Variants in SLC6A11 observed in about 807,000 individuals in gnomAD.
The protein encoded by SLC6A11 is solute carrier family 6 member 11.
In SLC6A11, 25 loss-of-function variants were observed where a neutral mutation model predicts 74.8. The observed-to-expected ratio is 0.33, with a 90% confidence interval of 0.24 to 0.47. The LOEUF is 0.47. Ranked by LOEUF, SLC6A11 falls within the 20% of genes least tolerant of loss-of-function variation. The probability of loss-of-function intolerance (pLI) is 1.00; values close to 1 mark genes in which losing one functional copy is unlikely to be tolerated. For missense variants in SLC6A11, 574 were observed against 837.0 expected, an observed-to-expected ratio of 0.69 and a Z score of 3.88; for synonymous variants, 330 against 330.2, an observed-to-expected ratio of 1.00 and a Z score of 0.01.
chr3:10,918,556 A>T lies in SLC6A11; in HGVS notation c.1120+103A>T. 4 of 1,364,074 alleles carry T rather than the reference A, an allele frequency of 2.9e-6. No homozygotes were observed. The highest frequency in any genetic ancestry group is 3.9e-6 in the Non-Finnish European group (4 of 1,017,592). 84.5% of individuals were successfully genotyped at this position (1,364,074 alleles called of 1,614,324 possible). A position where few individuals can be genotyped will look rare whatever the true frequency, so the allele number is the denominator to read the frequency against. On this transcript the variant is annotated intron_variant, in intron 8 of 13. Transcript: ENST00000254488. This position sits in a 1 kb window ranked among gnomAD's most constrained non-coding sequence, Gnocchi z 4.5. ...CCTCCTCGGCTCACACATCTCCTGGATTCAGGCCTCAGAAAGGGGCCCCAC... is the reference window on the plus strand; with the variant it reads ...CCTCCTCGGCTCACACATCTCCTGGTTTCAGGCCTCAGAAAGGGGCCCCAC...
chr3:10,888,968 G>A (rs1695076672), intron 6 of SLC6A11, among the ~76,000 whole-genome samples: 1 of 152,196 alleles, frequency 6.6e-6, no homozygotes, highest in East Asian at 1.9e-4. Flanking sequence ...GGTGGAGGTT[G>A]GGTGGGGAGG....
At chr3:10,894,297 G>A (rs891695326) in intron 6 of SLC6A11, among the ~76,000 whole-genome samples, 1 of 152,240 alleles carries the variant, frequency 6.6e-6, no homozygotes, top group Non-Finnish European at 1.5e-5. Context: ...GTGAGCAGGT[G>A]GCAATGTGAC....
intron 5 of SLC6A11, among the ~76,000 whole-genome samples, chr3:10,846,401 G>C (rs561103601): frequency 6.6e-6 from 1 of 152,276 alleles, no homozygotes; most frequent in East Asian, 1.9e-4. Flanking sequence ...GGGGCTTGGC[G>C]GGGTGGTGGC....
intron 8 of SLC6A11, among the ~76,000 whole-genome samples, chr3:10,921,324 G>T (rs1695534487): frequency 6.6e-6 from 1 of 152,158 alleles, no homozygotes; most frequent in African/African-American, 2.4e-5. Flanking sequence ...TAGGTCCTGA[G>T]GTCTGTTTTA....
rs538463383 is a variant in SLC6A11 at position 10,869,081 on chromosome 3, T to C, written c.757-5880T>C. On this transcript the variant is annotated intron_variant, in intron 5 of 13. Transcript: ENST00000254488. ...TCTTTATTCCTCTGTCCAACAAATA[T>C]GTATTGAGCACACCTTATGTGCTAT... Among the ~76,000 whole-genome samples the C allele has an allele frequency of 7.2e-5, 11 of 152,332 alleles. No individual in the cohort carries two copies. The South Asian group carries it at 2.3e-3, about 32-fold the overall frequency.
At chr3:10,827,976 T>A (rs984450237) in intron 4 of SLC6A11, among the ~76,000 whole-genome samples, 2 of 152,222 alleles carry the variant, frequency 1.3e-5, no homozygotes, top group South Asian at 4.1e-4. Context: ...CCAGGGATGC[T>A]TGTCTTCCTA....
intron 5 of SLC6A11, among the ~76,000 whole-genome samples, chr3:10,865,643 C>T (rs188547240): frequency 1.1e-4 from 16 of 152,290 alleles, no homozygotes; most frequent in African/African-American, 3.9e-4. Flanking sequence ...AGCCTGGCTA[C>T]AGAGTGAGAT....
intron 6 of SLC6A11, among the ~76,000 whole-genome samples, chr3:10,878,651 G>T (rs1434350901): frequency 6.6e-6 from 1 of 150,992 alleles, no homozygotes; most frequent in Non-Finnish European, 1.5e-5. Flanking sequence ...CTGACCTCGT[G>T]ATCCACCCAC....
At chr3:10,864,844 G>C (rs1694745108) in intron 5 of SLC6A11, among the ~76,000 whole-genome samples, 1 of 152,122 alleles carries the variant, frequency 6.6e-6, no homozygotes, top group Admixed American at 6.5e-5. Context: ...CTTCTTCTCT[G>C]TCCAGAGGTC....
chr3:10,833,485 T>C (rs1694325023), intron 4 of SLC6A11, among the ~76,000 whole-genome samples: 1 of 152,182 alleles, frequency 6.6e-6, no homozygotes, highest in Admixed American at 6.5e-5. Context: ...CAGTTAATGC[T>C]TCTGGTGATG....
chr3:10,816,439 G>C lies in SLC6A11; in HGVS notation c.174G>C (p.Glu58Asp). 1 of 1,604,542 alleles carries C rather than the reference G, an allele frequency of 6.2e-7. No homozygotes were observed. Among genetic ancestry groups the C allele is most frequent in the South Asian group, 1.1e-5 (1 of 89,516 alleles). The part of the protein sequence containing the change: ...HERGHWNNKV[E>D]FVLSVAGEII... ...GCGGCCACTGGAACAACAAGGTGGA[G>C]TTCGTGCTGAGCGTGGCCGGGGAGA... Residue 58 changes from glutamate to aspartate, a missense_variant, in exon 1 of 14, where the codon GAG becomes GAC. Glu to Asp is a conservative substitution (Grantham distance 45, BLOSUM62 2). Around this residue, in one of 4 missense-constraint regions of SLC6A11, gnomAD observed 215 missense variants for 357.9 expected, o/e 0.60. Transcript: ENST00000254488. This position sits in a 1 kb window ranked among gnomAD's most constrained non-coding sequence, Gnocchi z 4.2.
At chr3:10,889,754 C>T (rs112386930) in intron 6 of SLC6A11, among the ~76,000 whole-genome samples, 75 of 152,300 alleles carry the variant, frequency 4.9e-4, no homozygotes, top group African/African-American at 1.7e-3. Flanking sequence ...TCTAAGAGAG[C>T]ACTGAAGGCA....
At chr3:10,909,530 T>A (rs1167630939) in intron 6 of SLC6A11, among the ~76,000 whole-genome samples, 1 of 152,166 alleles carries the variant, frequency 6.6e-6, no homozygotes, top group South Asian at 2.1e-4. Flanking sequence ...TCAGTCAGGA[T>A]TGGGGAGCCA....
In SLC6A11 at chr3:10,940,010, A is replaced by C. The variant is rs1695806268; in HGVS notation, c.*1608A>C. ...CAAACCAAGGCCTGAGTTTCCTGTA[A>C]GGGTCCTCTGTTTTTGATTCACCCA... On this transcript the variant is annotated 3_prime_UTR_variant, in exon 14 of 14. Transcript: ENST00000254488. 1 of 152,200 alleles carries C rather than the reference A, an allele frequency of 6.6e-6. No homozygotes were observed. Among genetic ancestry groups the C allele is most frequent in the South Asian group, 2.1e-4 (1 of 4,830 alleles). The allele number at this position is 152,200 out of a possible 1,614,324, so 9.4% of individuals were successfully genotyped here. A position where few individuals can be genotyped will look rare whatever the true frequency, so the allele number is the denominator to read the frequency against.
At chr3:10,831,892 A>G (rs1457530613) in intron 4 of SLC6A11, among the ~76,000 whole-genome samples, 2 of 152,184 alleles carry the variant, frequency 1.3e-5, no homozygotes. Flanking sequence ...GAAAAGTGAA[A>G]TGAAGCATGC....
intron 1 of SLC6A11, among the ~76,000 whole-genome samples, chr3:10,817,508 C>T (rs1553663481): frequency 6.6e-6 from 1 of 152,308 alleles, no homozygotes; most frequent in South Asian, 2.1e-4. Context: ...CTTATAAAAC[C>T]TCCTTCGGTG....
At position 10,935,021 on chromosome 3, in the gene SLC6A11, C is replaced by T. The variant is rs374102891; in HGVS notation, c.1576-8C>T. On this transcript the variant is annotated splice_region_variant and splice_polypyrimidine_tract_variant and intron_variant, in intron 12 of 13. Coordinates refer to ENST00000254488, the MANE Select transcript of SLC6A11 (RefSeq NM_014229.3). ...ATCCCCCAGGCACCTGCCCCCATCT[C>T]TCTGCAGGGGATCTTCATCTTCTTC... 2.0e-5 allele frequency: 33 copies of T among 1,612,094 alleles called. No homozygotes were observed. The African/African-American group carries it at 2.7e-4, about 13-fold the overall frequency.
At position 10,938,508 on chromosome 3, in the gene SLC6A11, C is replaced by A; in HGVS notation, c.*106C>A. 8.1e-7 allele frequency: 1 copy of A among 1,233,574 alleles called. No homozygotes were observed. Among genetic ancestry groups the A allele is most frequent in the Non-Finnish European group, 1.1e-6 (1 of 894,340 alleles). 76.4% of individuals were successfully genotyped at this position (1,233,574 alleles called of 1,614,324 possible). A position where few individuals can be genotyped will look rare whatever the true frequency, so the allele number is the denominator to read the frequency against. ...TAATGGTAGGGGCTTGCTTGTTTTG[C>A]ACAGGATTAATTAACAAGTTAATTT... On this transcript the variant is annotated 3_prime_UTR_variant, in exon 14 of 14. Coordinates refer to ENST00000254488, the MANE Select transcript of SLC6A11 (RefSeq NM_014229.3).
At chr3:10,842,857 C>T (rs892089310) in intron 4 of SLC6A11, among the ~76,000 whole-genome samples, 6 of 152,054 alleles carry the variant, frequency 3.9e-5, no homozygotes, top group Non-Finnish European at 4.4e-5. Flanking sequence ...ATTTCTCTGG[C>T]GGGGCTGGGG....
Sources: allele counts gnomAD v4.1 joint callset (sites outside exome capture counted in the v4.1 genomes callset), GRCh38; gene constraint gnomAD v4.1.1; regional missense constraint gnomAD v4.1.1; non-coding constraint Gnocchi (gnomAD v3.1); transcripts MANE v1.5; gene names NCBI Gene and HGNC (gene_info 2026-07-23, HGNC 2026-07-21).